Variants in SARAF observed in about 807,000 individuals in gnomAD.
The protein encoded by SARAF is store-operated calcium entry associated regulatory factor, also known as store-operated calcium entry-associated regulatory factor.
SARAF carries 23 observed loss-of-function variants against 39.7 expected under a neutral mutation model. That is an observed-to-expected ratio of 0.58 (90% CI 0.42 to 0.82). The LOEUF (loss-of-function observed/expected upper bound fraction) is 0.82. Among genes scored for constraint, SARAF ranks in the 40% least tolerant of loss-of-function variants. The pLI, the probability that SARAF is intolerant of heterozygous loss-of-function variation, is 0.00. For synonymous variants in SARAF, 175 were observed against 168.5 expected (o/e 1.04, Z -0.30); for missense variants, 384 against 418.5 (o/e 0.92, Z 0.72).
At chr8:30,074,081 C>T in intron 1 of SARAF, 26 bp from the exon 2 acceptor site, 1 of 1,602,200 alleles carries the variant, frequency 6.2e-7, no homozygotes, top group Non-Finnish European at 8.5e-7. Context: ...AACAGAGGAA[C>T]ACAAAGTAAG....
chr8:30,074,142 A>G (rs1166135414), intron 1 of SARAF, 87 bp from the exon 2 acceptor site: 1 of 1,445,442 alleles, frequency 6.9e-7, no homozygotes, highest in Non-Finnish European at 9.4e-7. Flanking sequence ...TCGTCATAGG[A>G]AATGCCTTTC....
At chr8:30,070,088 A>T in intron 2 of SARAF, 29 bp from the exon 3 acceptor site, 2 of 1,493,132 alleles carry the variant, frequency 1.3e-6, no homozygotes, top group South Asian at 2.5e-5. Context: ...ACAGACTATT[A>T]GAAACAAACA....
At chr8:30,075,099 G>A (rs948664407) in intron 1 of SARAF, among the ~76,000 whole-genome samples, 6 of 152,002 alleles carry the variant, frequency 3.9e-5, no homozygotes, top group Non-Finnish European at 5.9e-5. Context: ...TCAGGAGTTC[G>A]AGACCAGCCT....
At position 30,078,309 on chromosome 8, in the gene SARAF, A is replaced by T. The variant is rs572110589; in HGVS notation, c.104-4254T>A. The T allele has an allele frequency of 2.0e-4, 84 of 429,026 alleles. No individual in the cohort carries two copies. In the East Asian group the frequency reaches 4.7e-3, roughly 24 times the overall value. 26.6% of individuals were successfully genotyped at this position (429,026 alleles called of 1,614,324 possible). ...TAGACAAACTCCAGGCTGTAATTCA[A>T]GAAAAGTTCCCACACTGAAGGACTT... On this transcript the variant is annotated intron_variant, in intron 1 of 5. Coordinates refer to ENST00000256255, the MANE Select transcript of SARAF (RefSeq NM_016127.6).
At chr8:30,069,113 GTATT>G (rs1434321123) in intron 3 of SARAF, among the ~76,000 whole-genome samples, 8 of 145,994 alleles carry the variant, frequency 5.5e-5, no homozygotes, top group East Asian at 2.0e-4. Context: ...CTGATTAAGA[GTATT>G]TATAATTTAA....
chr8:30,083,121 C>T (rs955029151), upstream of SARAF: 3 of 509,842 alleles, frequency 5.9e-6, no homozygotes, highest in African/African-American at 2.0e-5. Flanking sequence ...ACGTCACTGC[C>T]GCTGCGGCCC....
In SARAF at chr8:30,063,928, G is replaced by A; in HGVS notation, c.995-15C>T. ...ACCACCATATCCTAGAATGAGAGGG[G>A]TAAAATTTACATTAGTTTTTAAAAA... On this transcript the variant is annotated splice_polypyrimidine_tract_variant and intron_variant, in intron 5 of 5. Coordinates refer to ENST00000256255, the MANE Select transcript of SARAF (RefSeq NM_016127.6). 1 of 1,600,402 alleles carries A rather than the reference G, an allele frequency of 6.2e-7. No homozygotes were observed. Among genetic ancestry groups the A allele is most frequent in the Non-Finnish European group, 8.5e-7 (1 of 1,173,556 alleles).
At chr8:30,080,458 G>A (rs1250049151) in intron 1 of SARAF, among the ~76,000 whole-genome samples, 1 of 152,072 alleles carries the variant, frequency 6.6e-6, no homozygotes, top group Non-Finnish European at 1.5e-5. Flanking sequence ...ACTTCTGCCC[G>A]CACACCATGT....
Position 30,063,752 on chromosome 8 carries a change from T to G in SARAF, c.*136A>C. Reference sequence around the variant, plus strand: ...CCTCAAATAATAGAATACAAAAAGCTACACTGGACATAACACCACAGAACT... The same window carrying G: ...CCTCAAATAATAGAATACAAAAAGCGACACTGGACATAACACCACAGAACT... On this transcript the variant is annotated 3_prime_UTR_variant, in exon 6 of 6. Transcript: ENST00000256255. The G allele has an allele frequency of 1.4e-6, 1 of 739,552 alleles. No homozygotes were observed. The highest frequency in any genetic ancestry group is 2.3e-6 in the Non-Finnish European group (1 of 426,962). The allele number at this position is 739,552 out of a possible 1,614,324, so 45.8% of individuals were successfully genotyped here. A position where few individuals can be genotyped will look rare whatever the true frequency, so the allele number is the denominator to read the frequency against.
intron 4 of SARAF, 48 bp downstream of exon 4, chr8:30,066,729 C>T (rs1377182781): frequency 2.5e-6 from 4 of 1,578,612 alleles, no homozygotes; most frequent in Non-Finnish European, 3.4e-6. Context: ...GTAAGCAAAA[C>T]AAGCCTCTTG....
At chr8:30,073,642 T>C (rs1470714357) in intron 2 of SARAF, 4 of 404,110 alleles carry the variant, frequency 9.9e-6, no homozygotes, top group African/African-American at 6.2e-5. Flanking sequence ...AATTTACAAA[T>C]ATCTTAGAAG....
At chr8:30,065,689 T>C (rs1801668424) in intron 5 of SARAF, 1 of 293,594 alleles carries the variant, frequency 3.4e-6, no homozygotes, top group African/African-American at 2.2e-5. Flanking sequence ...CTTAGAAAAG[T>C]CTAGTTTAGA....
chr8:30,072,322 T>C (rs1267630206), intron 2 of SARAF, among the ~76,000 whole-genome samples: 1 of 152,254 alleles, frequency 6.6e-6, no homozygotes, highest in African/African-American at 2.4e-5. Flanking sequence ...AGTTATTTTA[T>C]ATTCTAAATA....
chr8:30,069,537 A>G, intron 3 of SARAF, 105 bp downstream of exon 3: 1 of 1,169,866 alleles, frequency 8.5e-7, no homozygotes, highest in Non-Finnish European at 1.2e-6. Flanking sequence ...GAGAAGACAA[A>G]CCTCCTTTGG....
At chr8:30,077,670 C>T (rs975930484) in intron 1 of SARAF, among the ~76,000 whole-genome samples, 1 of 151,414 alleles carries the variant, frequency 6.6e-6, no homozygotes, top group African/African-American at 2.4e-5. Flanking sequence ...GGGATGGTGG[C>T]GCGTGCCTGT....
intron 1 of SARAF, among the ~76,000 whole-genome samples, chr8:30,077,426 G>C (rs1389276559): frequency 2.0e-5 from 3 of 151,962 alleles, no homozygotes; most frequent in African/African-American, 7.3e-5. Context: ...CAGCCTGGGT[G>C]ATAGAGTGAG....
chr8:30,068,685 C>A (rs1801750958), intron 3 of SARAF, among the ~76,000 whole-genome samples: 1 of 149,132 alleles, frequency 6.7e-6, no homozygotes, highest in African/African-American at 2.5e-5. Context: ...AATGGGCATT[C>A]AAGTCCTCTT....
intron 1 of SARAF, among the ~76,000 whole-genome samples, chr8:30,075,184 C>T (rs1209778029): frequency 6.6e-6 from 1 of 151,898 alleles, no homozygotes; most frequent in Non-Finnish European, 1.5e-5. Flanking sequence ...CCTGTAATCC[C>T]AGCTACTTGG....
At chr8:30,077,664 T>C (rs1266259600) in intron 1 of SARAF, among the ~76,000 whole-genome samples, 1 of 151,002 alleles carries the variant, frequency 6.6e-6, no homozygotes, top group East Asian at 1.9e-4. Context: ...TAGCTGGGGA[T>C]GGTGGCGCGT....
Sources: allele counts gnomAD v4.1 joint callset (sites outside exome capture counted in the v4.1 genomes callset), GRCh38; gene constraint gnomAD v4.1.1; transcripts MANE v1.5; gene names NCBI Gene and HGNC (gene_info 2026-07-23, HGNC 2026-07-21).